RIF1: variants seen among roughly 807,000 people sequenced by gnomAD.
The protein encoded by RIF1 is telomere-associated protein RIF1.
Under a neutral mutation model 247.1 loss-of-function variants are expected in RIF1, and 45 were observed. The ratio of observed to expected loss-of-function variants is 0.18; its 90% CI spans 0.14 to 0.23. The LOEUF is 0.23. RIF1 is among the 10% of genes least tolerant of loss of function. RIF1 has a pLI of 1.00. For missense variants in RIF1, 2,967 were observed against 2,862.5 expected (o/e 1.04, Z -0.83); for synonymous variants, 1,087 against 978.8 (o/e 1.11, Z -2.06).
rs1436559018 is a variant in RIF1 at position 151,498,126 on chromosome 2, A to G, written c.*514-1219A>G. ...ATTAACTGTATTATAGAAATGGGAA[A>G]GTATATCCTTTTGTAATATAAGATG... On this transcript the variant is annotated intron_variant and NMD_transcript_variant, in intron 10 of 13. Coordinates refer to the RIF1 transcript ENST00000454583. 3.3e-6 allele frequency: 5 copies of G among 1,513,812 alleles called. No individual in the cohort carries two copies. In the Admixed American group the frequency reaches 1.0e-4, roughly 31 times the overall value. 93.8% of individuals were successfully genotyped at this position (1,513,812 alleles called of 1,614,324 possible).
intron 11 of RIF1, among the ~76,000 whole-genome samples, chr2:151,435,796 G>C (rs924658344): frequency 6.7e-6 from 1 of 148,528 alleles, no homozygotes; most frequent in Non-Finnish European, 1.5e-5. Flanking sequence ...ACTGATTACT[G>C]TTGTAAGCGC....
At chr2:151,515,931 T>C in the RIF1 span, among the ~76,000 whole-genome samples, 1 of 152,188 alleles carries the variant, frequency 6.6e-6, no homozygotes, top group East Asian at 1.9e-4. Flanking sequence ...CAGACTAAGA[T>C]TTAAAATAAG....
intron 25 of RIF1, 39 bp from the exon 26 acceptor site, chr2:151,459,961 G>A (rs776713986): frequency 1.9e-5 from 28 of 1,455,172 alleles, no homozygotes; most frequent in Admixed American, 7.4e-5. Context: ...AAATATTACC[G>A]TTCTATTTAA....
At chr2:151,533,011 G>A in the RIF1 span, among the ~76,000 whole-genome samples, 16 of 152,058 alleles carry the variant, frequency 1.1e-4, no homozygotes, top group South Asian at 1.7e-3. Flanking sequence ...AGAGCTGCAC[G>A]GTAATCCTCA....
rs1377370709 is a variant in RIF1 at position 151,416,867 on chromosome 2, G to A, written c.469G>A (p.Val157Ile). ...LFNKGETHSAVVDFEALNVIV... is the reference protein window; with the variant it reads ...LFNKGETHSAIVDFEALNVIV... ...TAACAAAGGAGAGACGCATTCTGCT[G>A]TTGTTGATTTTGAAGCATTAAATGT... Residue 157 changes from valine to isoleucine, a missense_variant, in exon 6 of 36, where the codon GTT (valine) becomes ATT (isoleucine). By Grantham distance (29) the Val-to-Ile change is conservative. Coordinates refer to ENST00000444746, the MANE Select transcript of RIF1 (RefSeq NM_018151.5). 1 of 1,612,632 alleles carries A rather than the reference G, an allele frequency of 6.2e-7. No homozygotes were observed. The highest frequency in any genetic ancestry group is 1.1e-5 in the South Asian group (1 of 90,858).
Position 151,443,837 on chromosome 2 carries a change from A to G in RIF1, c.1986+128A>G, listed in dbSNP as rs369398808. The G allele has an allele frequency of 5.1e-5, 28 of 545,488 alleles. No individual in the cohort carries two copies. The South Asian group carries it at 1.1e-3, about 22-fold the overall frequency. The allele number at this position is 545,488 out of a possible 1,614,324, so 33.8% of individuals were successfully genotyped here. A position where few individuals can be genotyped will look rare whatever the true frequency, so the allele number is the denominator to read the frequency against. On this transcript the variant is annotated intron_variant, in intron 18 of 35. Transcript: ENST00000444746. The stretch of plus-strand genomic sequence containing the variant: ...AATATTTTTTCTGGTGGAATTGGTA[A>G]ACGTTGTACTTTTGATTGATTTTAT...
intron 24 of RIF1, among the ~76,000 whole-genome samples, 164 bp downstream of exon 24, chr2:151,458,127 C>T (rs1695503584): frequency 6.6e-6 from 1 of 151,826 alleles, no homozygotes; most frequent in South Asian, 2.1e-4. Context: ...CATTATTTCA[C>T]CTTTTCATTG....
In RIF1 at chr2:151,463,924, G is replaced by T. The variant is rs747597394; in HGVS notation, c.4404G>T (p.Leu1468=). The change falls in exon 30 of 36, where the codon CTG becomes CTT. Residue 1468 remains leucine (L), a synonymous_variant. Coordinates refer to ENST00000444746, the MANE Select transcript of RIF1 (RefSeq NM_018151.5). ...ATGATGTGTTACCTAAACAAAAACT[G>T]ATTGCTGAACAAACTCTACAGGAGA... ...IKDDVLPKQK[L]IAEQTLQENL... 1 of 1,613,478 alleles carries T rather than the reference G, an allele frequency of 6.2e-7. No homozygotes were observed. The highest frequency in any genetic ancestry group is 8.5e-7 in the Non-Finnish European group (1 of 1,179,870).
rs1217562567 is a variant in RIF1, at chr2:151,477,227, A to G, written c.*2156A>G. ...ATTTCCCCCTTAGTAATTCCCGAAT[A>G]GCAAAACATTAATATTCCATGATTA... On this transcript the variant is annotated 3_prime_UTR_variant, in exon 36 of 36. Coordinates refer to ENST00000444746, the MANE Select transcript of RIF1 (RefSeq NM_018151.5). 1.3e-5 allele frequency: 2 copies of G among 152,220 alleles called. No individual in the cohort carries two copies. Among genetic ancestry groups the G allele is most frequent in the Non-Finnish European group, 2.9e-5 (2 of 68,038 alleles). 9.4% of individuals were successfully genotyped at this position (152,220 alleles called of 1,614,324 possible).
At chr2:151,490,529 T>A in intron 9 of RIF1, 2 of 1,607,306 alleles carry the variant, frequency 1.2e-6, no homozygotes, top group Non-Finnish European at 1.7e-6. Flanking sequence ...CTGGGAGAGA[T>A]GCAGTTGGGG....
Position 151,414,849 on chromosome 2 carries a change from G to A in RIF1, c.210G>A (p.Glu70=). 6.2e-7 allele frequency: 1 copy of A among 1,611,204 alleles called. No individual in the cohort carries two copies. The highest frequency in any genetic ancestry group is 8.5e-7 in the Non-Finnish European group (1 of 1,178,640). The stretch of plus-strand genomic sequence containing the variant: ...CTCACATTTCCAGTCAAAACTCGGA[G>A]CTGAGTAGTGCTGCTCTACAAGCCC... ...LKTHISSQNS[E]LSSAALQALG... The change falls in exon 4 of 36, where the codon GAG becomes GAA. Residue 70 remains glutamate, a synonymous_variant. Coordinates refer to ENST00000444746, the MANE Select transcript of RIF1 (RefSeq NM_018151.5).
At chr2:151,496,272 G>A in intron 10 of RIF1, 1 of 1,601,466 alleles carries the variant, frequency 6.2e-7, no homozygotes, top group Admixed American at 1.7e-5. Context: ...TTCTCGCCAA[G>A]TACCGAGCTA....
Position 151,464,711 on chromosome 2 carries a change from GGTT to G in RIF1, c.5194_5196del (p.Cys1732del). On this transcript the variant is annotated inframe_deletion, in exon 30 of 36. Transcript: ENST00000444746. ...AAGTAGGAGGGTGAGGAGATCTAAAGGTTGTGATTGCTGTGGGGAAAAATCACA... is the reference window on the plus strand; with the variant it reads ...AAGTAGGAGGGTGAGGAGATCTAAAGGTGATTGCTGTGGGGAAAAATCACA... 1 of 1,613,290 alleles carries G rather than the reference GGTT, an allele frequency of 6.2e-7. No homozygotes were observed. Among genetic ancestry groups the G allele is most frequent in the South Asian group, 1.1e-5 (1 of 90,888 alleles).
At chr2:151,527,496 G>A in the RIF1 span, 3 of 1,612,954 alleles carry the variant, frequency 1.9e-6, no homozygotes, top group Non-Finnish European at 2.5e-6. Flanking sequence ...TTTGCTGCAG[G>A]GATGACTTGG....
At chr2:151,523,850 A>G in the RIF1 span, among the ~76,000 whole-genome samples, 2 of 152,072 alleles carry the variant, frequency 1.3e-5, no homozygotes, top group East Asian at 3.9e-4. Context: ...GCTCATCCCT[A>G]CTTCCTAGCC....
Position 151,414,310 on chromosome 2 carries a change from TG to T in RIF1, c.184-512del, listed in dbSNP as rs573673117. On this transcript the variant is annotated intron_variant, in intron 3 of 35. Transcript: ENST00000444746. ...TCAAAAAAAAAAAAAATTTCTAGATTGACATGGATTGAAATTCTCTTATGTA... is the reference window on the plus strand; with the variant it reads ...TCAAAAAAAAAAAAAATTTCTAGATTACATGGATTGAAATTCTCTTATGTA... 2.9e-3 allele frequency among the ~76,000 whole-genome samples: 441 copies of T among 152,216 alleles called. 2 individuals carry two copies. The highest frequency in any genetic ancestry group is 0.01 in the African/African-American group (424 of 41,528).
chr2:151,497,933 G>GAGTT lies in RIF1; in HGVS notation c.*514-1410_*514-1407dup, dbSNP rs2061404785. ...TTCAGCTGCTGAGGAAGGGCTGTCA[G>GAGTT]AGTTATCCATGTTATTTTTTTTCAT... is the stretch of plus-strand genomic sequence containing the variant. On this transcript the variant is annotated intron_variant and NMD_transcript_variant, in intron 10 of 13. Transcript: ENST00000454583. 6.9e-6 allele frequency: 10 copies of GAGTT among 1,454,670 alleles called. No individual in the cohort carries two copies. In the South Asian group the frequency reaches 1.0e-4, roughly 15 times the overall value. The allele number at this position is 1,454,670 out of a possible 1,614,324, so 90.1% of individuals were successfully genotyped here.
rs748666706 is a variant in RIF1, at chr2:151,496,287, T to C, written c.*513+961T>C. 23 of 1,609,288 alleles carry C rather than the reference T, an allele frequency of 1.4e-5. No homozygotes were observed. In the East Asian group the frequency reaches 4.7e-4, roughly 33 times the overall value. Reference sequence around the variant, plus strand: ...TTCTCGCCAAGTACCGAGCTAATATTTTCTTGATTGTGTTTGACTCGCTCC... The same window carrying C: ...TTCTCGCCAAGTACCGAGCTAATATCTTCTTGATTGTGTTTGACTCGCTCC... On this transcript the variant is annotated intron_variant and NMD_transcript_variant, in intron 10 of 13. Transcript: ENST00000454583.
At chr2:151,414,389 C>T (rs1025192435) in intron 3 of RIF1, among the ~76,000 whole-genome samples, 1 of 152,074 alleles carries the variant, frequency 6.6e-6, no homozygotes, top group African/African-American at 2.4e-5. Context: ...ATAATAGATA[C>T]TTTATAAACG....
Sources: allele counts gnomAD v4.1 joint callset (sites outside exome capture counted in the v4.1 genomes callset), GRCh38; gene constraint gnomAD v4.1.1; transcripts MANE v1.5; gene names NCBI Gene and HGNC (gene_info 2026-07-23, HGNC 2026-07-21).